The following PCDHA2 variants were observed in gnomAD, a reference collection of about 807,000 sequenced individuals.
PCDHA2 encodes the protein protocadherin alpha 2, also known as protocadherin alpha-2.
In PCDHA2, 58 loss-of-function variants were observed where a neutral mutation model predicts 66.0. The observed-to-expected ratio is 0.88, with a 90% CI of 0.71 to 1.09. The LOEUF (loss-of-function observed/expected upper bound fraction) is 1.09, where lower values mean the gene tolerates loss of function less well. Ranked by LOEUF, PCDHA2 falls within the 50% of genes least tolerant of loss-of-function variation. The pLI is 0.00. For missense variants in PCDHA2, 1,267 were observed against 1,242.3 expected (o/e 1.02, Z -0.30); for synonymous variants, 634 against 554.0 (o/e 1.14, Z -2.03).
intron 1 of PCDHA2, among the ~76,000 whole-genome samples, chr5:140,906,981 G>A (rs1554192831): frequency 6.6e-6 from 1 of 152,122 alleles, no homozygotes; most frequent in Non-Finnish European, 1.5e-5. Flanking sequence ...GTCTTCTGGT[G>A]GCAGCATTCC....
intron 1 of PCDHA2, chr5:140,809,344 C>A (rs782610697): frequency 2.2e-5 from 35 of 1,614,082 alleles, no homozygotes; most frequent in Middle Eastern, 1.7e-4. Flanking sequence ...TGCTGTACAC[C>A]GCGCTGCGGT....
At chr5:140,907,517 G>C (rs1174112923) in intron 1 of PCDHA2, among the ~76,000 whole-genome samples, 1 of 152,192 alleles carries the variant, frequency 6.6e-6, no homozygotes, top group Non-Finnish European at 1.5e-5. Flanking sequence ...TTCCAGTGAG[G>C]ACAAATCGCT....
intron 1 of PCDHA2, chr5:140,858,228 A>T: frequency 6.3e-7 from 1 of 1,595,134 alleles, no homozygotes; most frequent in Non-Finnish European, 8.6e-7. Flanking sequence ...GCGCCCACCG[A>T]GGGCGCATGT....
chr5:140,983,387 G>T (rs1417783796), intron 3 of PCDHA2, among the ~76,000 whole-genome samples: 1 of 152,188 alleles, frequency 6.6e-6, no homozygotes, highest in Non-Finnish European at 1.5e-5. Flanking sequence ...CGCTGTGGCA[G>T]TTTTCAGAAA....
rs564306575 is a variant in PCDHA2, at chr5:140,927,833, A to G, written c.2389-51116A>G. On this transcript the variant is annotated intron_variant, in intron 1 of 3. Coordinates refer to ENST00000526136, the MANE Select transcript of PCDHA2 (RefSeq NM_018905.3). Reference sequence around the variant, plus strand: ...TTGGAGGCATACATTGAGGCGAGGGACGAAGGTGTCTTTGGTTTAGCTAGC... The same window carrying G: ...TTGGAGGCATACATTGAGGCGAGGGGCGAAGGTGTCTTTGGTTTAGCTAGC... 5.0e-6 allele frequency: 8 copies of G among 1,614,044 alleles called. No individual in the cohort carries two copies. Among genetic ancestry groups the G allele is most frequent in the African/African-American group, 4.0e-5 (3 of 74,914 alleles).
rs372349337 is a variant in PCDHA2, at chr5:140,882,421, C to A, written c.2388+85069C>A. On this transcript the variant is annotated intron_variant, in intron 1 of 3. Transcript: ENST00000526136. ...CCTTCGTGGGCCGCATCGCTCAGGA[C>A]CTGGGGCTGGAGCTGGCGGAGCTGG... is the stretch of plus-strand genomic sequence containing the variant. 5.0e-6 allele frequency: 8 copies of A among 1,613,986 alleles called. No homozygotes were observed. The African/African-American group carries it at 8.0e-5, about 16-fold the overall frequency.
intron 1 of PCDHA2, chr5:140,884,166 C>T: frequency 1.2e-6 from 2 of 1,613,430 alleles, no homozygotes; most frequent in Non-Finnish European, 1.7e-6. Context: ...GAGATCAGCA[C>T]GACGCGCCCT....
At chr5:140,864,838 A>C (rs868993134) in intron 1 of PCDHA2, 5 of 152,252 alleles carry the variant, frequency 3.3e-5, no homozygotes, top group Admixed American at 1.3e-4. Flanking sequence ...AGTATAAGAG[A>C]GTCTTCCCAT....
At chr5:140,848,091 A>C (rs1781318033) in intron 1 of PCDHA2, 1 of 168,880 alleles carries the variant, frequency 5.9e-6, no homozygotes, top group South Asian at 1.5e-4. Context: ...TTAAGTGGAG[A>C]GTTTTCTCAG....
chr5:140,896,214 G>C (rs1265727629), intron 1 of PCDHA2, among the ~76,000 whole-genome samples: 4 of 152,208 alleles, frequency 2.6e-5, no homozygotes, highest in Non-Finnish European at 5.9e-5. Context: ...ACACATACAT[G>C]TGTCTTTATA....
intron 1 of PCDHA2, among the ~76,000 whole-genome samples, chr5:140,933,174 A>G (rs1400055066): frequency 2.0e-5 from 3 of 151,742 alleles, no homozygotes; most frequent in Non-Finnish European, 3.0e-5. Context: ...AATTGATGGC[A>G]TAAGATAATG....
rs2150366825 is a variant in PCDHA2, at chr5:140,843,799, A to G, written c.2388+46447A>G. Reference sequence around the variant, plus strand: ...AAAAGTGTTTCAGATTTAGTTTTTCACCGTATTTTATAGTGAAAATTTAAA... The same window carrying G: ...AAAAGTGTTTCAGATTTAGTTTTTCGCCGTATTTTATAGTGAAAATTTAAA... On this transcript the variant is annotated intron_variant, in intron 1 of 3. Transcript: ENST00000526136. 59 of 1,346,314 alleles carry G rather than the reference A, an allele frequency of 4.4e-5. 4 individuals carry two copies. Among genetic ancestry groups the G allele is most frequent in the Middle Eastern group, 2.1e-4 (1 of 4,868 alleles). The allele number at this position is 1,346,314 out of a possible 1,614,324, so 83.4% of individuals were successfully genotyped here.
intron 1 of PCDHA2, among the ~76,000 whole-genome samples, chr5:140,895,055 A>G (rs1313066261): frequency 6.6e-6 from 1 of 152,118 alleles, no homozygotes; most frequent in East Asian, 1.9e-4. Context: ...ATTCTGCTTC[A>G]TATGGACTCA....
At chr5:140,851,092 A>T (rs371116217) in intron 1 of PCDHA2, 1 of 1,292,902 alleles carries the variant, frequency 7.7e-7, no homozygotes, top group African/African-American at 1.5e-5. Flanking sequence ...TATTAAATAG[A>T]TATTTTTTGG....
intron 3 of PCDHA2, among the ~76,000 whole-genome samples, chr5:140,998,936 A>G (rs1328813980): frequency 6.6e-5 from 10 of 152,246 alleles, no homozygotes; most frequent in African/African-American, 2.4e-4. Flanking sequence ...TTACAGATGA[A>G]GAAACTGTAA....
rs112376305 is a variant in PCDHA2, at chr5:140,821,957, G to A, written c.2388+24605G>A. The stretch of plus-strand genomic sequence containing the variant: ...CTGGAGCTGGCGGAGCTGGTGCCGC[G>A]CCTGTTCCGGGTGGCGTCCAAGGGC... On this transcript the variant is annotated intron_variant, in intron 1 of 3. Coordinates refer to ENST00000526136, the MANE Select transcript of PCDHA2 (RefSeq NM_018905.3). 511 of 1,614,186 alleles carry A rather than the reference G, an allele frequency of 3.2e-4. 2 individuals are homozygous for A. Among genetic ancestry groups the A allele is most frequent in the East Asian group, 1.1e-4 (5 of 44,890 alleles).
At chr5:140,832,341 G>A (rs1771938364) in intron 1 of PCDHA2, among the ~76,000 whole-genome samples, 1 of 152,184 alleles carries the variant, frequency 6.6e-6, no homozygotes, top group South Asian at 2.1e-4. Flanking sequence ...CTGAGTTGTG[G>A]TTTGTGTTTC....
chr5:140,961,037 A>C (rs1222978592), intron 1 of PCDHA2, among the ~76,000 whole-genome samples: 2 of 152,188 alleles, frequency 1.3e-5, no homozygotes, highest in African/African-American at 4.8e-5. Flanking sequence ...CCTTGTTTTG[A>C]GTCATTAACA....
intron 1 of PCDHA2, chr5:140,828,380 G>T (rs150162226): frequency 6.2e-6 from 10 of 1,603,536 alleles, no homozygotes; most frequent in African/African-American, 1.3e-5. Flanking sequence ...GGAGCTGTGC[G>T]GGCGGAGCGC....
Sources: allele counts gnomAD v4.1 joint callset (sites outside exome capture counted in the v4.1 genomes callset), GRCh38; gene constraint gnomAD v4.1.1; transcripts MANE v1.5; gene names NCBI Gene and HGNC (gene_info 2026-07-23, HGNC 2026-07-21).